The following LMBRD1 variants were observed in gnomAD, a reference collection of about 807,000 sequenced individuals.
LMBRD1 encodes LMBR1 domain containing 1.
Under a neutral mutation model 74.8 loss-of-function variants are expected in LMBRD1, and 64 were observed. The ratio of observed to expected loss-of-function variants is 0.86; its 90% CI spans 0.70 to 1.05. The LOEUF is 1.05. Among genes scored for constraint, LMBRD1 ranks in the 50% least tolerant of loss-of-function variants. The probability of loss-of-function intolerance (pLI) is 0.00; values close to 1 mark genes in which losing one functional copy is unlikely to be tolerated. For synonymous variants in LMBRD1, 204 were observed against 216.3 expected (o/e 0.94, Z 0.50); for missense variants, 652 against 645.9 (o/e 1.01, Z -0.10).
chr6:69,778,299 T>A (rs1483748576), intron 3 of LMBRD1, among the ~76,000 whole-genome samples: 1 of 152,234 alleles, frequency 6.6e-6, no homozygotes, highest in African/African-American at 2.4e-5. Context: ...TTTGTAATGA[T>A]TAACTTATCA....
chr6:69,769,585 C>T (rs1268894530), intron 3 of LMBRD1, among the ~76,000 whole-genome samples: 1 of 152,026 alleles, frequency 6.6e-6, no homozygotes, highest in African/African-American at 2.4e-5. Flanking sequence ...ACATGTTAGA[C>T]AATATGTTGT....
intron 14 of LMBRD1, among the ~76,000 whole-genome samples, chr6:69,681,439 T>C (rs1379736762): frequency 6.6e-6 from 1 of 152,022 alleles, no homozygotes; most frequent in Non-Finnish European, 1.5e-5. Flanking sequence ...TTAATGTATC[T>C]TGACTGCCAC....
intron 3 of LMBRD1, among the ~76,000 whole-genome samples, chr6:69,754,762 C>T (rs1455476075): frequency 6.6e-6 from 1 of 152,040 alleles, no homozygotes; most frequent in Non-Finnish European, 1.5e-5. Flanking sequence ...TAAACAACCC[C>T]ATCAAAAAGT....
At chr6:69,770,894 G>A (rs1335130585) in intron 3 of LMBRD1, among the ~76,000 whole-genome samples, 2 of 152,168 alleles carry the variant, frequency 1.3e-5, no homozygotes, top group Non-Finnish European at 2.9e-5. Flanking sequence ...TAACATGTAA[G>A]CAAAGATTTA....
intron 5 of LMBRD1, 95 bp downstream of exon 5, chr6:69,749,246 T>G: frequency 1.0e-6 from 1 of 957,246 alleles, no homozygotes. Flanking sequence ...TTACATTTTT[T>G]TCTTTCCTAG....
chr6:69,748,047 T>C (rs144349692), intron 5 of LMBRD1, among the ~76,000 whole-genome samples: 390 of 152,342 alleles, frequency 2.6e-3, no homozygotes, highest in Non-Finnish European at 4.3e-3. Context: ...TGTAGTTTTA[T>C]TGATGATTCT....
chr6:69,753,406 G>A (rs964598138), intron 3 of LMBRD1, among the ~76,000 whole-genome samples: 4 of 152,258 alleles, frequency 2.6e-5, no homozygotes, highest in Admixed American at 2.6e-4. Flanking sequence ...GACCCATTAG[G>A]ATGGCTACTA....
chr6:69,707,446 T>C (rs1766284232), intron 9 of LMBRD1, among the ~76,000 whole-genome samples: 2 of 152,194 alleles, frequency 1.3e-5, no homozygotes, highest in African/African-American at 2.4e-5. Flanking sequence ...GTATCTACCA[T>C]AAAATGTGTC....
At chr6:69,776,953 T>G (rs559724220) in intron 3 of LMBRD1, among the ~76,000 whole-genome samples, 54 of 151,928 alleles carry the variant, frequency 3.6e-4, no homozygotes, top group African/African-American at 1.2e-3. Flanking sequence ...TCGAGACTAG[T>G]ATGACCAACA....
intron 3 of LMBRD1, among the ~76,000 whole-genome samples, chr6:69,753,785 A>C (rs912925230): frequency 9.9e-5 from 15 of 151,988 alleles, no homozygotes; most frequent in Non-Finnish European, 2.1e-4. Flanking sequence ...CTAAAAATAC[A>C]AAAAAATTAG....
rs558349847 is a variant in LMBRD1, at chr6:69,724,579, CGTT to C, written c.637-5501_637-5499del. ...ATAATGAATGATCTTTCTAATCAAT[CGTT>C]GTAATACATCATATCAAGAGAATGA... On this transcript the variant is annotated intron_variant, in intron 7 of 15. Coordinates refer to ENST00000649934, the MANE Select transcript of LMBRD1 (RefSeq NM_018368.4). Among the ~76,000 whole-genome samples, 9 of 148,840 alleles carry C rather than the reference CGTT, an allele frequency of 6.0e-5. No homozygotes were observed. In the East Asian group the frequency reaches 1.6e-3, roughly 27 times the overall value.
intron 14 of LMBRD1, among the ~76,000 whole-genome samples, chr6:69,687,346 T>A (rs146188857): frequency 6.6e-6 from 1 of 152,296 alleles, no homozygotes; most frequent in East Asian, 1.9e-4. Flanking sequence ...TTTTTCTCCA[T>A]AATACTTGTC....
At chr6:69,726,852 T>C (rs1766747708) in intron 7 of LMBRD1, among the ~76,000 whole-genome samples, 1 of 151,836 alleles carries the variant, frequency 6.6e-6, no homozygotes, top group Non-Finnish European at 1.5e-5. Flanking sequence ...AATAATTTCG[T>C]TGTACATTTT....
intron 7 of LMBRD1, among the ~76,000 whole-genome samples, chr6:69,737,266 T>C (rs942790530): frequency 1.3e-5 from 2 of 152,204 alleles, no homozygotes; most frequent in Admixed American, 1.3e-4. Context: ...ACTCTCAAGA[T>C]AGGTAATAAA....
chr6:69,765,712 C>G (rs1031815136), intron 3 of LMBRD1, among the ~76,000 whole-genome samples: 1 of 152,134 alleles, frequency 6.6e-6, no homozygotes, highest in East Asian at 1.9e-4. Flanking sequence ...TGAGAGAAAA[C>G]TGACATAATT....
intron 3 of LMBRD1, among the ~76,000 whole-genome samples, chr6:69,761,860 C>T (rs74858570): frequency 0.01 from 1,591 of 152,246 alleles, 26 homozygotes; most frequent in South Asian, 0.064. Context: ...CTTTTCTGGT[C>T]ATTTTATATG....
chr6:69,725,178 A>G (rs1437599025), intron 7 of LMBRD1, among the ~76,000 whole-genome samples: 2 of 152,140 alleles, frequency 1.3e-5, no homozygotes, highest in Admixed American at 6.6e-5. Context: ...AGATCACTGC[A>G]ATGAAAACTA....
At chr6:69,712,517 T>G (rs1323695815) in intron 9 of LMBRD1, among the ~76,000 whole-genome samples, 1 of 151,870 alleles carries the variant, frequency 6.6e-6, no homozygotes, top group African/African-American at 2.4e-5. Context: ...AAAGAAAATG[T>G]CACACATACA....
At chr6:69,691,720 CA>C (rs898111068) in intron 14 of LMBRD1, among the ~76,000 whole-genome samples, 1 of 151,552 alleles carries the variant, frequency 6.6e-6, no homozygotes, top group Non-Finnish European at 1.5e-5. Context: ...ACTAAAAATA[CA>C]AAAAATTAGC....
Sources: gnomAD v4.1 joint callset for allele counts (sites outside exome capture counted in the v4.1 genomes callset) on GRCh38, gnomAD v4.1.1 for gene constraint, MANE v1.5 for transcripts, NCBI Gene and HGNC (gene_info 2026-07-23, HGNC 2026-07-21) for gene names.